Variants in INPP5B observed in about 807,000 individuals in gnomAD.
The protein encoded by INPP5B is type II inositol 1,4,5-trisphosphate 5-phosphatase.
INPP5B carries 90 observed loss-of-function variants against 118.5 expected under a neutral mutation model. That is an observed-to-expected ratio of 0.76 (90% CI 0.64 to 0.90). The LOEUF (loss-of-function observed/expected upper bound fraction) is 0.90. Ranked by LOEUF, INPP5B falls within the 40% of genes least tolerant of loss-of-function variation. The pLI, the probability that INPP5B is intolerant of heterozygous loss-of-function variation, is 0.00. For synonymous variants in INPP5B, 385 were observed against 418.9 expected (o/e 0.92, Z 0.99); for missense variants, 984 against 1,125.6 (o/e 0.87, Z 1.80).
chr1:37,918,773 A>G (rs1375353575), intron 7 of INPP5B, among the ~76,000 whole-genome samples: 1 of 152,178 alleles, frequency 6.6e-6, no homozygotes, highest in Non-Finnish European at 1.5e-5. Context: ...AACAAATACA[A>G]TCTACATGGG....
chr1:37,880,426 T>C (rs948577059), intron 14 of INPP5B, among the ~76,000 whole-genome samples: 1 of 127,878 alleles, frequency 7.8e-6, no homozygotes, highest in African/African-American at 4.2e-5. Flanking sequence ...TTTAATGTTT[T>C]ATTTATTTAT....
At chr1:37,933,404 T>C (rs1645566100) in intron 6 of INPP5B, among the ~76,000 whole-genome samples, 3 of 151,958 alleles carry the variant, frequency 2.0e-5, no homozygotes, top group Non-Finnish European at 2.9e-5. Flanking sequence ...AAAAATTAGC[T>C]GGCCATGGTG....
At chr1:37,946,158 A>C in intron 2 of INPP5B, 94 bp downstream of exon 2, 3 of 1,174,222 alleles carry the variant, frequency 2.6e-6, no homozygotes, top group Non-Finnish European at 3.7e-6. Flanking sequence ...GATGGTTCAG[A>C]GGGGCAGGAG....
chr1:37,905,610 G>A (rs895125310), intron 7 of INPP5B, among the ~76,000 whole-genome samples: 3 of 152,170 alleles, frequency 2.0e-5, no homozygotes, highest in Non-Finnish European at 4.4e-5. Flanking sequence ...GTCATCCACA[G>A]ACAACTGTTG....
chr1:37,866,930 G>C (rs1642084419), intron 20 of INPP5B, among the ~76,000 whole-genome samples: 1 of 152,230 alleles, frequency 6.6e-6, no homozygotes, highest in Admixed American at 6.5e-5. Context: ...TCAATGCTTT[G>C]GGCAAATAAA....
rs1391368866 is a variant in INPP5B at position 37,907,893 on chromosome 1, T to G, written c.533-16439A>C. 6.6e-6 allele frequency among the ~76,000 whole-genome samples: 1 copy of G among 152,172 alleles called. No individual in the cohort carries two copies. Among genetic ancestry groups the G allele is most frequent in the Non-Finnish European group, 1.5e-5 (1 of 68,024 alleles). ...ATACATCCAGATGGCCTGAAGCAAC[T>G]GAAGATCCACAAAAGAACTGAAAAC... is the stretch of plus-strand genomic sequence containing the variant. On this transcript the variant is annotated intron_variant, in intron 7 of 23. Coordinates refer to ENST00000373024, the MANE Select transcript of INPP5B (RefSeq NM_005540.3). This position sits in a 1 kb window ranked among gnomAD's most constrained non-coding sequence, Gnocchi z 4.3.
chr1:37,934,270 G>A (rs1444082496), intron 6 of INPP5B, among the ~76,000 whole-genome samples: 1 of 152,048 alleles, frequency 6.6e-6, no homozygotes, highest in African/African-American at 2.4e-5. Flanking sequence ...TGGGTAAGTT[G>A]CTTGCCTCCT....
intron 7 of INPP5B, among the ~76,000 whole-genome samples, chr1:37,913,188 C>T (rs1202316382): frequency 1.3e-5 from 2 of 152,060 alleles, no homozygotes; most frequent in South Asian, 2.1e-4. Context: ...ACCCGGAAGG[C>T]GGAGCTTGCA....
At chr1:37,901,963 G>A (rs192122294) in intron 7 of INPP5B, among the ~76,000 whole-genome samples, 39 of 150,500 alleles carry the variant, frequency 2.6e-4, no homozygotes, top group African/African-American at 9.0e-4. Flanking sequence ...CCCATGTTCG[G>A]TCACCAAGTC....
chr1:37,875,708 G>C lies in INPP5B; in HGVS notation c.1686C>G (p.Val562=), dbSNP rs764047712. 5 of 1,612,860 alleles carry C rather than the reference G, an allele frequency of 3.1e-6. No homozygotes were observed. The South Asian group carries it at 3.3e-5, about 11-fold the overall frequency. Residue 562 remains valine (V), a synonymous_variant, in exon 17 of 24, where the codon GTC becomes GTG. Transcript: ENST00000373024. ...VSSVFDIGVR[V]VNDELYRKTL... ...TCTTCCGGTAAAGCTCGTCATTTAC[G>C]ACCCTCACCTGAAAGGGAAACATCA...
Position 37,878,322 on chromosome 1 carries a change from C to T in INPP5B, c.1543G>A (p.Glu515Lys). 6.2e-7 allele frequency: 1 copy of T among 1,613,868 alleles called. No homozygotes were observed. Among genetic ancestry groups the T allele is most frequent in the South Asian group, 1.1e-5 (1 of 91,048 alleles). Residue 515 changes from glutamate (E) to lysine (K), a missense_variant and splice_region_variant, in exon 16 of 24, where the codon GAG becomes AAG. Physicochemically the swap from Glu to Lys is moderately conservative, Grantham distance 56. Transcript: ENST00000373024. The stretch of plus-strand genomic sequence containing the variant: ...CACCAGGCAGGAGCACGGCACTTCT[C>T]ACTGAAATGCAAAGTCCACACTGGA... The part of the protein sequence containing the change: ...DTGSDDWDTS[E>K]KCRAPAWCDR...
Position 37,873,014 on chromosome 1 carries a change from G to A in INPP5B, c.2103C>T (p.Pro701=). 3.1e-6 allele frequency: 5 copies of A among 1,614,112 alleles called. No homozygotes were observed. Among genetic ancestry groups the A allele is most frequent in the Non-Finnish European group, 4.2e-6 (5 of 1,180,032 alleles). ...YFLSVSGNYL[P]SCFGSPIHTL... Reference sequence around the variant, plus strand: ...TATGAATGGGAGACCCAAAACAGCTGGGCAGGTAGTTCCCAGACACAGACA... The same window carrying A: ...TATGAATGGGAGACCCAAAACAGCTAGGCAGGTAGTTCCCAGACACAGACA... The change falls in exon 19 of 24, where the codon CCC becomes CCT. Residue 701 remains proline (P), a synonymous_variant. Transcript: ENST00000373024.
At chr1:37,913,356 C>A (rs1337815879) in intron 7 of INPP5B, among the ~76,000 whole-genome samples, 1 of 152,142 alleles carries the variant, frequency 6.6e-6, no homozygotes, top group Non-Finnish European at 1.5e-5. Context: ...TAAAAAAACT[C>A]AAGGATAGAG....
intron 16 of INPP5B, among the ~76,000 whole-genome samples, chr1:37,877,743 A>C (rs187209203): frequency 2.6e-5 from 4 of 152,342 alleles, no homozygotes; most frequent in African/African-American, 9.6e-5. Flanking sequence ...GCTCATCCAT[A>C]CTATGGAATA....
At chr1:37,938,524 A>G (rs1397036812) in intron 6 of INPP5B, among the ~76,000 whole-genome samples, 1 of 152,170 alleles carries the variant, frequency 6.6e-6, no homozygotes, top group East Asian at 1.9e-4. Flanking sequence ...TAAGGTATTC[A>G]TTACATACAG....
At chr1:37,923,781 CTT>C (rs35911212) in intron 7 of INPP5B, among the ~76,000 whole-genome samples, 54 of 147,758 alleles carry the variant, frequency 3.7e-4, no homozygotes, top group East Asian at 5.9e-4. Context: ...AAGTGCAGTT[CTT>C]TTTTTTTTTT....
At chr1:37,890,317 G>A (rs1643767586) in intron 8 of INPP5B, among the ~76,000 whole-genome samples, 1 of 151,670 alleles carries the variant, frequency 6.6e-6, no homozygotes, top group Non-Finnish European at 1.5e-5. Flanking sequence ...GGAGGCTGCA[G>A]TGACTGGGTG....
At chr1:37,930,533 A>T (rs34354043) in intron 7 of INPP5B, 1 of 152,322 alleles carries the variant, frequency 6.6e-6, no homozygotes, top group East Asian at 1.9e-4. Flanking sequence ...GGGCAAGGAG[A>T]TGAGGTGCTC....
At chr1:37,923,387 C>T (rs966337544) in intron 7 of INPP5B, among the ~76,000 whole-genome samples, 2 of 152,170 alleles carry the variant, frequency 1.3e-5, no homozygotes, top group African/African-American at 4.8e-5. Flanking sequence ...GAGAAGCAGG[C>T]TGAGGTCAGG....
Sources: allele counts gnomAD v4.1 joint callset (sites outside exome capture counted in the v4.1 genomes callset), GRCh38; gene constraint gnomAD v4.1.1; non-coding constraint Gnocchi (gnomAD v3.1); transcripts MANE v1.5; gene names NCBI Gene and HGNC (gene_info 2026-07-23, HGNC 2026-07-21).